PRKAR2B: variants seen among roughly 807,000 people sequenced by gnomAD.
PRKAR2B encodes the protein protein kinase cAMP-dependent type II regulatory subunit beta, also known as cAMP-dependent protein kinase type II-beta regulatory subunit.
PRKAR2B carries 14 observed loss-of-function variants against 49.9 expected under a neutral mutation model. The ratio of observed to expected loss-of-function variants is 0.28; its 90% CI spans 0.19 to 0.44. PRKAR2B has a LOEUF of 0.44. Ranked by LOEUF, PRKAR2B falls within the 20% of genes least tolerant of loss-of-function variation. The probability of loss-of-function intolerance (pLI) is 1.00; values close to 1 mark genes in which losing one functional copy is unlikely to be tolerated. For missense variants in PRKAR2B, 393 were observed against 537.9 expected (o/e 0.73, Z 2.67); for synonymous variants, 196 against 197.7 (o/e 0.99, Z 0.07).
At chr7:107,099,702 A>G (rs1163007213) in intron 2 of PRKAR2B, among the ~76,000 whole-genome samples, 17 of 149,982 alleles carry the variant, frequency 1.1e-4, no homozygotes, top group Non-Finnish European at 2.4e-4. Context: ...GCAGTGGCGC[A>G]ATCTCAGCTC....
At chr7:107,107,732 A>G (rs1326460763) in intron 2 of PRKAR2B, among the ~76,000 whole-genome samples, 1 of 151,954 alleles carries the variant, frequency 6.6e-6, no homozygotes, top group Non-Finnish European at 1.5e-5. Flanking sequence ...ATCTTGGCTC[A>G]CTGTAGCCTC....
intron 2 of PRKAR2B, among the ~76,000 whole-genome samples, chr7:107,098,182 A>G (rs538075323): frequency 1.4e-4 from 22 of 152,162 alleles, no homozygotes; most frequent in Non-Finnish European, 2.8e-4. Flanking sequence ...ACATAGTCCC[A>G]TATTTCTTGG....
intron 4 of PRKAR2B, 60 bp from the exon 5 acceptor site, chr7:107,140,787 A>G: frequency 8.3e-7 from 1 of 1,211,254 alleles, no homozygotes; most frequent in Non-Finnish European, 1.2e-6. Flanking sequence ...AACTGTGGTT[A>G]CTTAAGAAAA....
chr7:107,083,526 C>T (rs763993311), intron 2 of PRKAR2B, among the ~76,000 whole-genome samples: 1 of 152,034 alleles, frequency 6.6e-6, no homozygotes, highest in Non-Finnish European at 1.5e-5. Flanking sequence ...CTCCATTTTA[C>T]AGGTATGGAA....
intron 2 of PRKAR2B, among the ~76,000 whole-genome samples, chr7:107,103,666 A>G (rs1265843704): frequency 6.6e-6 from 1 of 152,244 alleles, no homozygotes; most frequent in Non-Finnish European, 1.5e-5. Flanking sequence ...TTGTTATGAC[A>G]TGTAATTGTC....
chr7:107,101,047 C>G (rs1296055039), intron 2 of PRKAR2B, among the ~76,000 whole-genome samples: 3 of 151,284 alleles, frequency 2.0e-5, no homozygotes, highest in African/African-American at 7.3e-5. Context: ...CTCTGCATAT[C>G]TTACAAGTTT....
chr7:107,145,995 C>T, intron 5 of PRKAR2B, among the ~76,000 whole-genome samples: 1 of 152,154 alleles, frequency 6.6e-6, no homozygotes, highest in East Asian at 1.9e-4. Context: ...CCCGCCTCAG[C>T]CTCCCAAAGT....
At chr7:107,109,767 C>T (rs960360946) in intron 2 of PRKAR2B, among the ~76,000 whole-genome samples, 2 of 152,038 alleles carry the variant, frequency 1.3e-5, no homozygotes, top group African/African-American at 4.8e-5. Flanking sequence ...TTGAAACTCT[C>T]TTAAAAAAAA....
chr7:107,118,996 A>G (rs1795340356), intron 2 of PRKAR2B, among the ~76,000 whole-genome samples: 2 of 152,208 alleles, frequency 1.3e-5, no homozygotes, highest in South Asian at 4.1e-4. Flanking sequence ...GCCCAGAAAC[A>G]GACAAACACA....
intron 1 of PRKAR2B, among the ~76,000 whole-genome samples, chr7:107,060,448 C>T (rs1010135685): frequency 2.6e-5 from 4 of 152,176 alleles, no homozygotes; most frequent in Non-Finnish European, 5.9e-5. Flanking sequence ...TAGCATCTTA[C>T]TGTGAATTGA....
chr7:107,071,751 C>G (rs972416881), intron 2 of PRKAR2B, among the ~76,000 whole-genome samples: 2 of 152,152 alleles, frequency 1.3e-5, no homozygotes, highest in African/African-American at 2.4e-5. Context: ...GGGCACGTTC[C>G]ATTAGTATTT....
chr7:107,143,012 C>T (rs1245230500), intron 5 of PRKAR2B, among the ~76,000 whole-genome samples: 3 of 152,194 alleles, frequency 2.0e-5, no homozygotes, highest in Non-Finnish European at 2.9e-5. Flanking sequence ...ATCCGCCTGC[C>T]TTGGCTTCCC....
chr7:107,059,918 G>T (rs1248958028), intron 1 of PRKAR2B, among the ~76,000 whole-genome samples: 1 of 151,988 alleles, frequency 6.6e-6, no homozygotes, highest in Non-Finnish European at 1.5e-5. Flanking sequence ...TTTCCAGAGG[G>T]TATATGATGT....
intron 2 of PRKAR2B, among the ~76,000 whole-genome samples, chr7:107,092,484 T>C (rs1013275795): frequency 1.3e-5 from 2 of 152,054 alleles, no homozygotes; most frequent in African/African-American, 4.8e-5. Context: ...TTGAAGTGTG[T>C]GTGGACTAAG....
At chr7:107,075,735 G>A (rs1562848435) in intron 2 of PRKAR2B, among the ~76,000 whole-genome samples, 2 of 151,992 alleles carry the variant, frequency 1.3e-5, no homozygotes, top group African/African-American at 4.8e-5. Context: ...CAAAACGTTC[G>A]CTCTCAGCCT....
At chr7:107,145,246 A>G (rs749640862) in intron 5 of PRKAR2B, among the ~76,000 whole-genome samples, 29 of 152,296 alleles carry the variant, frequency 1.9e-4, no homozygotes, top group Non-Finnish European at 3.4e-4. Context: ...CCAGCCATAG[A>G]TAACACATAA....
chr7:107,064,029 T>C (rs1324408551), intron 1 of PRKAR2B, among the ~76,000 whole-genome samples: 1 of 152,212 alleles, frequency 6.6e-6, no homozygotes, highest in Admixed American at 6.5e-5. Flanking sequence ...GTCTTGACAG[T>C]GGCGTTTCCC....
intron 3 of PRKAR2B, among the ~76,000 whole-genome samples, chr7:107,125,668 G>A (rs1327489420): frequency 2.0e-5 from 3 of 152,122 alleles, no homozygotes; most frequent in Non-Finnish European, 4.4e-5. Context: ...TTTTACCGAC[G>A]AGGTTAATTA....
intron 4 of PRKAR2B, among the ~76,000 whole-genome samples, chr7:107,134,636 G>A (rs1215339806): frequency 1.3e-5 from 2 of 152,144 alleles, no homozygotes; most frequent in African/African-American, 2.4e-5. Context: ...CTGGGCTCGG[G>A]TAGACATATA....
Sources: gnomAD v4.1 joint callset for allele counts (sites outside exome capture counted in the v4.1 genomes callset) on GRCh38, gnomAD v4.1.1 for gene constraint, MANE v1.5 for transcripts, NCBI Gene and HGNC (gene_info 2026-07-23, HGNC 2026-07-21) for gene names.